CCDC30: variants seen among roughly 807,000 people sequenced by gnomAD.
CCDC30 encodes coiled-coil domain-containing protein 30.
A neutral mutation model predicts 100.2 loss-of-function variants in CCDC30; 70 were observed. The ratio of observed to expected loss-of-function variants is 0.70; its 90% CI spans 0.58 to 0.85. CCDC30 has a LOEUF of 0.85. Ranked by LOEUF, CCDC30 falls within the 40% of genes least tolerant of loss-of-function variation. The probability of loss-of-function intolerance (pLI) is 0.00; values close to 1 mark genes in which losing one functional copy is unlikely to be tolerated. For synonymous variants in CCDC30, 233 were observed against 269.5 expected (o/e 0.86, Z 1.33); for missense variants, 652 against 771.2 (o/e 0.85, Z 1.83).
intron 6 of CCDC30, among the ~76,000 whole-genome samples, chr1:42,539,642 C>G (rs1381212306): frequency 6.6e-6 from 1 of 152,000 alleles, no homozygotes; most frequent in African/African-American, 2.4e-5. Context: ...AATTTAGGAT[C>G]AAAGCATCTT....
At chr1:42,562,794 G>C (rs1645519357) in intron 6 of CCDC30, among the ~76,000 whole-genome samples, 1 of 152,142 alleles carries the variant, frequency 6.6e-6, no homozygotes, top group South Asian at 2.1e-4. Context: ...GTGGGTGAAG[G>C]ATATGAACAG....
intron 11 of CCDC30, among the ~76,000 whole-genome samples, chr1:42,612,757 C>A (rs1042434814): frequency 6.6e-6 from 1 of 152,104 alleles, no homozygotes; most frequent in Non-Finnish European, 1.5e-5. Flanking sequence ...TTCCCTCTGT[C>A]GTATGCTTGA....
At chr1:42,601,445 C>G (rs1646402651) in intron 10 of CCDC30, among the ~76,000 whole-genome samples, 1 of 152,204 alleles carries the variant, frequency 6.6e-6, no homozygotes, top group Non-Finnish European at 1.5e-5. Context: ...AGTGGCTGTT[C>G]TGCACCACCA....
intron 15 of CCDC30, among the ~76,000 whole-genome samples, chr1:42,651,757 G>A (rs1048984395): frequency 6.6e-6 from 1 of 152,058 alleles, no homozygotes. Flanking sequence ...ACCTGTGGTT[G>A]TAGCTTCTCA....
At position 42,611,111 on chromosome 1, in the gene CCDC30, T is replaced by C. The variant is rs187700925; in HGVS notation, c.1277+21T>C. The C allele has an allele frequency of 7.3e-5, 103 of 1,413,646 alleles. No homozygotes were observed. In the African/African-American group the frequency reaches 1.1e-3, roughly 16 times the overall value. The allele number at this position is 1,413,646 out of a possible 1,614,324, so 87.6% of individuals were successfully genotyped here. A position where few individuals can be genotyped will look rare whatever the true frequency, so the allele number is the denominator to read the frequency against. On this transcript the variant is annotated intron_variant, in intron 11 of 16. Coordinates refer to ENST00000668663, the Ensembl canonical transcript of CCDC30. ...GTGAGGTAAACAAAGACAAGTTCTC[T>C]TTGGAAGAAAACTATGTAGAGTAGT... is the stretch of plus-strand genomic sequence containing the variant.
At chr1:42,510,446 C>A (rs988185720) in intron 6 of CCDC30, among the ~76,000 whole-genome samples, 4 of 152,074 alleles carry the variant, frequency 2.6e-5, no homozygotes, top group Admixed American at 1.3e-4. Flanking sequence ...ATCACGAGGT[C>A]AGGAGATCAA....
intron 11 of CCDC30, among the ~76,000 whole-genome samples, chr1:42,611,553 TATACATAC>T (rs71777645): frequency 6.6e-6 from 1 of 151,312 alleles, no homozygotes; most frequent in East Asian, 1.9e-4. Flanking sequence ...TCTCTCTTTC[TATACATAC>T]ATACATACAT....
At chr1:42,620,886 C>A (rs1646817183) in intron 11 of CCDC30, among the ~76,000 whole-genome samples, 1 of 152,110 alleles carries the variant, frequency 6.6e-6, no homozygotes, top group African/African-American at 2.4e-5. Context: ...AGTTTCTATA[C>A]CCTCTCTGGG....
At chr1:42,649,989 G>T (rs1358915008) in intron 15 of CCDC30, among the ~76,000 whole-genome samples, 1 of 152,148 alleles carries the variant, frequency 6.6e-6, no homozygotes, top group Non-Finnish European at 1.5e-5. Flanking sequence ...TGAATCGAAA[G>T]AATTAATATT....
At chr1:42,602,756 T>C (rs1047458443) in intron 10 of CCDC30, among the ~76,000 whole-genome samples, 2 of 152,188 alleles carry the variant, frequency 1.3e-5, no homozygotes, top group Non-Finnish European at 2.9e-5. Context: ...CTTTAGGAGA[T>C]GGAAGCAGAG....
intron 6 of CCDC30, among the ~76,000 whole-genome samples, chr1:42,533,665 G>A (rs1213913708): frequency 2.0e-5 from 3 of 152,220 alleles, no homozygotes; most frequent in Non-Finnish European, 2.9e-5. Context: ...TCCACCTACA[G>A]GTGATGACCA....
intron 6 of CCDC30, among the ~76,000 whole-genome samples, chr1:42,553,247 G>A (rs1473006680): frequency 6.6e-6 from 1 of 151,814 alleles, no homozygotes; most frequent in Non-Finnish European, 1.5e-5. Context: ...CTGGGTTGCT[G>A]TCTTCTTCAG....
chr1:42,645,222 G>A (rs192669544), intron 14 of CCDC30, among the ~76,000 whole-genome samples: 74 of 152,068 alleles, frequency 4.9e-4, no homozygotes, highest in African/African-American at 1.7e-3. Context: ...TTTAACATAT[G>A]TGCCTTACTC....
At position 42,463,912 on chromosome 1, in the gene CCDC30, T is replaced by A. The variant is rs188399562; in HGVS notation, c.-92+14T>A. 2 of 152,348 alleles carry A rather than the reference T, an allele frequency of 1.3e-5. No individual in the cohort carries two copies. The highest frequency in any genetic ancestry group is 2.4e-5 in the African/African-American group (1 of 41,574). 9.4% of individuals were successfully genotyped at this position (152,348 alleles called of 1,614,324 possible). ...AGAGGTCATGAAGTCAGTTACCTTC[T>A]GCCTTTCAAGCTACAACTTTTTCCA... On this transcript the variant is annotated intron_variant, in intron 1 of 16. Transcript: ENST00000668663.
intron 6 of CCDC30, among the ~76,000 whole-genome samples, chr1:42,552,580 G>GA (rs1229079812): frequency 6.6e-6 from 1 of 151,824 alleles, no homozygotes; most frequent in African/African-American, 2.4e-5. Flanking sequence ...TTTTTAAATG[G>GA]AAAAATATAC....
chr1:42,557,065 T>A (rs2148552256), intron 6 of CCDC30, among the ~76,000 whole-genome samples: 1 of 152,304 alleles, frequency 6.6e-6, no homozygotes, highest in Non-Finnish European at 1.5e-5. Context: ...CTTACACAAA[T>A]TAAAATTTCC....
Position 42,506,036 on chromosome 1 carries a change from G to A in CCDC30, c.456+7120G>A, listed in dbSNP as rs117630694. Among the ~76,000 whole-genome samples, 23 of 152,232 alleles carry A rather than the reference G, an allele frequency of 1.5e-4. No individual in the cohort carries two copies. The East Asian group carries it at 2.5e-3, about 17-fold the overall frequency. On this transcript the variant is annotated intron_variant, in intron 6 of 16. Coordinates refer to ENST00000668663, the Ensembl canonical transcript of CCDC30. The stretch of plus-strand genomic sequence containing the variant: ...CTATATTGCCATAAGTTAAGAATAC[G>A]TTTCCAAATTTTAGAGGAACCAGGC...
intron 11 of CCDC30, among the ~76,000 whole-genome samples, chr1:42,622,688 A>G (rs139881510): frequency 0.019 from 2,881 of 151,818 alleles, 84 homozygotes; most frequent in African/African-American, 0.065. Flanking sequence ...CATGTTGGCC[A>G]GGCTGGTCTT....
chr1:42,630,963 C>G (rs1160474322), intron 11 of CCDC30, among the ~76,000 whole-genome samples: 1 of 151,858 alleles, frequency 6.6e-6, no homozygotes, highest in Admixed American at 6.6e-5. Flanking sequence ...AGGATGGGTC[C>G]CTGGTGCCTT....
Sources: allele counts gnomAD v4.1 joint callset (sites outside exome capture counted in the v4.1 genomes callset), GRCh38; gene constraint gnomAD v4.1.1; transcripts MANE v1.5; gene names NCBI Gene and HGNC (gene_info 2026-07-23, HGNC 2026-07-21).